The following ZDHHC20 variants were observed in gnomAD, a reference collection of about 807,000 sequenced individuals.
ZDHHC20 encodes zDHHC palmitoyltransferase 20, also known as palmitoyltransferase ZDHHC20.
In ZDHHC20, 43 loss-of-function variants were observed where a neutral mutation model predicts 57.8. That is an observed-to-expected ratio of 0.74 (90% CI 0.58 to 0.96). The LOEUF is 0.96. ZDHHC20 is among the 40% of genes least tolerant of loss of function. The pLI is 0.00. For synonymous variants in ZDHHC20, 157 were observed against 153.0 expected (o/e 1.03, Z -0.19); for missense variants, 391 against 441.1 (o/e 0.89, Z 1.02).
Position 21,373,621 on chromosome 13 carries a change from A to AT in ZDHHC20, c.*3074dup, listed in dbSNP as rs1368494608. 7.2e-5 allele frequency: 11 copies of AT among 152,326 alleles called. No individual in the cohort carries two copies. Among genetic ancestry groups the AT allele is most frequent in the South Asian group, 6.2e-4 (3 of 4,828 alleles). 9.4% of individuals were successfully genotyped at this position (152,326 alleles called of 1,614,324 possible). On this transcript the variant is annotated 3_prime_UTR_variant, in exon 13 of 13. Coordinates refer to ENST00000400590, the MANE Select transcript of ZDHHC20 (RefSeq NM_001330059.2). ...GTTCCCAGGTAAACCAAGTCTCCTA[A>AT]TTTGTCTGTAATGGCAATGGCAAGA...
intron 7 of ZDHHC20, among the ~76,000 whole-genome samples, chr13:21,396,252 C>A (rs1440318867): frequency 2.0e-5 from 3 of 152,162 alleles, no homozygotes; most frequent in African/African-American, 4.8e-5. Flanking sequence ...ATTGGCCTCA[C>A]CATACCTGAA....
intron 1 of ZDHHC20, among the ~76,000 whole-genome samples, chr13:21,446,581 A>T (rs1036971887): frequency 2.0e-4 from 31 of 152,190 alleles, no homozygotes; most frequent in Admixed American, 1.1e-3. Context: ...AATTTTTTTT[A>T]AATTTTATTT....
intron 3 of ZDHHC20, among the ~76,000 whole-genome samples, chr13:21,416,916 T>C (rs1400203332): frequency 6.6e-6 from 1 of 152,222 alleles, no homozygotes. Flanking sequence ...ACATGACCTT[T>C]ATCTTACAGC....
chr13:21,449,978 G>C (rs1215233634), intron 1 of ZDHHC20, among the ~76,000 whole-genome samples: 1 of 152,074 alleles, frequency 6.6e-6, no homozygotes, highest in African/African-American at 2.4e-5. Context: ...ACACTAAGCA[G>C]TGATCATGGT....
At chr13:21,403,029 A>T (rs1459395373) in intron 4 of ZDHHC20, among the ~76,000 whole-genome samples, 163 bp from the exon 5 acceptor site, 1 of 152,248 alleles carries the variant, frequency 6.6e-6, no homozygotes, top group East Asian at 1.9e-4. Flanking sequence ...AGAGCTTCTC[A>T]AATCAAAATG....
chr13:21,435,327 T>C (rs1053789749), intron 1 of ZDHHC20, among the ~76,000 whole-genome samples: 1 of 152,202 alleles, frequency 6.6e-6, no homozygotes, highest in Non-Finnish European at 1.5e-5. Context: ...CTTCTAATGC[T>C]TGAATGTTTC....
Position 21,401,787 on chromosome 13 carries a change from A to G in ZDHHC20, c.441-102T>C, listed in dbSNP as rs753645538. 81 of 1,037,852 alleles carry G rather than the reference A, an allele frequency of 7.8e-5. 1 individual carries two copies. The highest frequency in any genetic ancestry group is 3.5e-5 in the Non-Finnish European group (26 of 733,400). 64.3% of individuals were successfully genotyped at this position (1,037,852 alleles called of 1,614,324 possible). A position where few individuals can be genotyped will look rare whatever the true frequency, so the allele number is the denominator to read the frequency against. On this transcript the variant is annotated intron_variant, in intron 5 of 12. Coordinates refer to ENST00000400590, the MANE Select transcript of ZDHHC20 (RefSeq NM_001330059.2). ...TTGACTTAAAATTCCCTTTACAACTACATCTTAAGAGAATCAACCCAGAAA... is the reference window on the plus strand; with the variant it reads ...TTGACTTAAAATTCCCTTTACAACTGCATCTTAAGAGAATCAACCCAGAAA...
intron 5 of ZDHHC20, among the ~76,000 whole-genome samples, chr13:21,402,316 T>C (rs1023472430): frequency 6.6e-5 from 10 of 151,768 alleles, no homozygotes; most frequent in Non-Finnish European, 1.5e-4. Context: ...ATTTTTGTAA[T>C]AAAAAAAACC....
intron 3 of ZDHHC20, 48 bp downstream of exon 3, chr13:21,421,013 T>A (rs756232275): frequency 8.7e-6 from 13 of 1,490,236 alleles, no homozygotes; most frequent in South Asian, 1.2e-5. Context: ...GGAAAAAAAA[T>A]TCCATAATCA....
intron 1 of ZDHHC20, among the ~76,000 whole-genome samples, chr13:21,438,108 G>A (rs1468296039): frequency 6.6e-6 from 1 of 152,188 alleles, no homozygotes; most frequent in African/African-American, 2.4e-5. Flanking sequence ...TGATGGAGAT[G>A]TACAAGGAGA....
rs547902981 is a variant in ZDHHC20, at chr13:21,444,175, T to C, written c.118+14879A>G. Among the ~76,000 whole-genome samples the C allele has an allele frequency of 1.2e-4, 19 of 152,166 alleles. No individual in the cohort carries two copies. The South Asian group carries it at 2.9e-3, about 23-fold the overall frequency. On this transcript the variant is annotated intron_variant, in intron 1 of 12. Coordinates refer to ENST00000400590, the MANE Select transcript of ZDHHC20 (RefSeq NM_001330059.2). ...TGTCTCAAAAAAATTAGTAAATAAA[T>C]GAGTAAAATTTTGTTGTTAGAACCA... is the stretch of plus-strand genomic sequence containing the variant.
At chr13:21,426,693 C>A (rs1881299608) in intron 1 of ZDHHC20, among the ~76,000 whole-genome samples, 1 of 151,764 alleles carries the variant, frequency 6.6e-6, no homozygotes, top group Non-Finnish European at 1.5e-5. Flanking sequence ...GCAACCTCCA[C>A]CTCCCAGGTT....
intron 1 of ZDHHC20, among the ~76,000 whole-genome samples, chr13:21,442,002 A>G (rs1156930533): frequency 6.6e-6 from 1 of 152,184 alleles, no homozygotes; most frequent in Non-Finnish European, 1.5e-5. Flanking sequence ...ATAGTGGAAT[A>G]TTATCAAGTA....
rs139398710 is a variant in ZDHHC20 at position 21,414,127 on chromosome 13, G to C, written c.250-355C>G. ...TACTGTCAAGAGATTTTTAATTTTTGCAAGAATGTCCAAAGATTTACTTGC... is the reference window on the plus strand; with the variant it reads ...TACTGTCAAGAGATTTTTAATTTTTCCAAGAATGTCCAAAGATTTACTTGC... On this transcript the variant is annotated intron_variant, in intron 3 of 12. Coordinates refer to ENST00000400590, the MANE Select transcript of ZDHHC20 (RefSeq NM_001330059.2). Among the ~76,000 whole-genome samples, 693 of 151,882 alleles carry C rather than the reference G, an allele frequency of 4.6e-3. 1 individual carries two copies. The highest frequency in any genetic ancestry group is 0.016 in the African/African-American group (662 of 41,426).
intron 1 of ZDHHC20, among the ~76,000 whole-genome samples, chr13:21,429,897 CTT>C (rs1269133716): frequency 6.6e-6 from 1 of 152,084 alleles, no homozygotes; most frequent in African/African-American, 2.4e-5. Flanking sequence ...GTTCAGTTGA[CTT>C]TTTAAAATTT....
At chr13:21,440,360 C>T (rs1883014899) in intron 1 of ZDHHC20, among the ~76,000 whole-genome samples, 1 of 152,018 alleles carries the variant, frequency 6.6e-6, no homozygotes, top group Non-Finnish European at 1.5e-5. Flanking sequence ...CCTGTAATCC[C>T]AGCACTTTGG....
intron 1 of ZDHHC20, among the ~76,000 whole-genome samples, chr13:21,440,715 T>C (rs184530960): frequency 1.5e-4 from 23 of 152,220 alleles, no homozygotes. Context: ...TAGCATGAGG[T>C]ATGGACCTGA....
At chr13:21,441,996 T>C (rs548399528) in intron 1 of ZDHHC20, among the ~76,000 whole-genome samples, 10 of 152,228 alleles carry the variant, frequency 6.6e-5, no homozygotes, top group Non-Finnish European at 1.0e-4. Context: ...GGTTTTATAG[T>C]GGAATATTAT....
chr13:21,394,237 T>G (rs533324604), intron 7 of ZDHHC20, among the ~76,000 whole-genome samples: 3 of 152,310 alleles, frequency 2.0e-5, no homozygotes, highest in Non-Finnish European at 4.4e-5. Context: ...AGCCTTCTTG[T>G]GTTACTGAAA....
Sources: gnomAD v4.1 joint callset for allele counts (sites outside exome capture counted in the v4.1 genomes callset) on GRCh38, gnomAD v4.1.1 for gene constraint, MANE v1.5 for transcripts, NCBI Gene and HGNC (gene_info 2026-07-23, HGNC 2026-07-21) for gene names.